PCDHA10: variants seen among roughly 807,000 people sequenced by gnomAD.
PCDHA10 encodes protocadherin alpha-10.
Under a neutral mutation model 61.2 loss-of-function variants are expected in PCDHA10, and 45 were observed. The ratio of observed to expected loss-of-function variants is 0.74; its 90% CI spans 0.58 to 0.94. PCDHA10 has a LOEUF of 0.94. PCDHA10 is among the 40% of genes least tolerant of loss of function. The probability of loss-of-function intolerance (pLI) is 0.00; values close to 1 mark genes in which losing one functional copy is unlikely to be tolerated. For synonymous variants in PCDHA10, 602 were observed against 548.8 expected (o/e 1.10, Z -1.35); for missense variants, 1,278 against 1,236.2 (o/e 1.03, Z -0.51).
At chr5:140,926,557 C>G (rs2083347198) in intron 1 of PCDHA10, 1 of 241,254 alleles carries the variant, frequency 4.1e-6, no homozygotes. Context: ...GACCCCAGCC[C>G]GCTGCTACTG....
intron 1 of PCDHA10, among the ~76,000 whole-genome samples, chr5:140,901,055 A>G (rs1454535703): frequency 6.6e-6 from 1 of 152,088 alleles, no homozygotes; most frequent in African/African-American, 2.4e-5. Context: ...AAATTAGATT[A>G]TTAGATTTTT....
chr5:140,926,915 T>A, intron 1 of PCDHA10: 1 of 1,563,726 alleles, frequency 6.4e-7, no homozygotes, highest in Non-Finnish European at 8.7e-7. Flanking sequence ...GGGGTGGCAG[T>A]TTTATGTTTG....
At position 140,910,974 on chromosome 5, in the gene PCDHA10, T is replaced by G. The variant is rs114099897; in HGVS notation, c.2388+52538T>G. Among the ~76,000 whole-genome samples the G allele has an allele frequency of 8.0e-3, 1,211 of 152,160 alleles. 6 individuals carry two copies. The highest frequency in any genetic ancestry group is 0.019 in the African/African-American group (781 of 41,520). On this transcript the variant is annotated intron_variant, in intron 1 of 3. Coordinates refer to ENST00000307360, the MANE Select transcript of PCDHA10 (RefSeq NM_018901.4). ...CGAGTGTAGCACACCTCCTCATGGG[T>G]TATACTCTGAACCTCACCCCTAGGG...
Position 140,857,721 on chromosome 5 carries a change from AC to A in PCDHA10, c.1674del (p.Asn558LysfsTer93), listed in dbSNP as rs1554150568. ...LTLQVFVLDE[N>X]DNAPALLASP... ...CTGCAGGTGTTCGTGCTGGACGAGA[AC>A]GACAACGCTCCCGCGCTGCTGGCGT... On this transcript the variant is annotated frameshift_variant, in exon 1 of 4. Transcript: ENST00000307360. LOFTEE classifies it high-confidence loss of function. 4.4e-6 allele frequency: 7 copies of A among 1,597,360 alleles called. 1 individual carries two copies. In the Admixed American group the frequency reaches 1.0e-4, roughly 23 times the overall value.
At position 140,941,191 on chromosome 5, in the gene PCDHA10, TTTTCTTTCTTCC is replaced by T. The variant is rs1293685535; in HGVS notation, c.2389-37735_2389-37724del. 2.6e-3 allele frequency among the ~76,000 whole-genome samples: 239 copies of T among 93,120 alleles called. 3 individuals are homozygous for T. Among genetic ancestry groups the T allele is most frequent in the East Asian group, 5.8e-3 (18 of 3,094 alleles). The allele number at this position is 93,120 out of a possible 152,430, so 61.1% of individuals were successfully genotyped here. ...CATCTTGAACATCCTGCTTCTTTTT[TTTTCTTTCTTCC>T]TTTCTTTCTTCCTTTCTTTCTTTCT... is the stretch of plus-strand genomic sequence containing the variant. On this transcript the variant is annotated intron_variant, in intron 1 of 3. Transcript: ENST00000307360.
At chr5:140,902,615 G>A in intron 1 of PCDHA10, among the ~76,000 whole-genome samples, 1 of 152,010 alleles carries the variant, frequency 6.6e-6, no homozygotes, top group East Asian at 1.9e-4. Context: ...AGTTACATGG[G>A]TAAGTTATTT....
intron 3 of PCDHA10, among the ~76,000 whole-genome samples, chr5:140,989,275 G>A (rs2097335515): frequency 6.6e-6 from 1 of 152,096 alleles, no homozygotes; most frequent in African/African-American, 2.4e-5. Context: ...TTTCTGCTGG[G>A]GACATCTCAG....
At chr5:140,879,391 G>A (rs2057973329) in intron 1 of PCDHA10, among the ~76,000 whole-genome samples, 1 of 152,184 alleles carries the variant, frequency 6.6e-6, no homozygotes, top group South Asian at 2.1e-4. Flanking sequence ...TGGAGAAACA[G>A]TTTGTGTGTA....
intron 1 of PCDHA10, chr5:140,866,167 CAT>C (rs1328596564): frequency 7.9e-5 from 12 of 152,072 alleles, no homozygotes; most frequent in African/African-American, 2.9e-4. Flanking sequence ...AATCGTTTAA[CAT>C]GTAAGAAAAG....
intron 1 of PCDHA10, among the ~76,000 whole-genome samples, chr5:140,904,088 TA>T (rs1486110849): frequency 9.8e-5 from 15 of 152,340 alleles, no homozygotes; most frequent in Admixed American, 2.6e-4. Flanking sequence ...GTTACATGAA[TA>T]ACTACTTTAG....
At chr5:140,967,174 G>A (rs1554229282) in intron 1 of PCDHA10, 1 of 1,611,892 alleles carries the variant, frequency 6.2e-7, no homozygotes, top group Non-Finnish European at 8.5e-7. Flanking sequence ...CCGTTGAGGT[G>A]GAAATATTGG....
chr5:140,889,968 T>A (rs1373057542), intron 1 of PCDHA10, among the ~76,000 whole-genome samples: 2 of 152,170 alleles, frequency 1.3e-5, no homozygotes, highest in Non-Finnish European at 2.9e-5. Context: ...AAAATTACTA[T>A]CCAGTCTCCA....
chr5:140,856,750 C>T lies in PCDHA10; in HGVS notation c.702C>T (p.Ala234=), dbSNP rs1554149043. Reference sequence around the variant, plus strand: ...CTCTGCTGATCCTGGTGTTAGATGCCAATGATAACGCCCCTATCTTTGACA... The same window carrying T: ...CTCTGCTGATCCTGGTGTTAGATGCTAATGATAACGCCCCTATCTTTGACA... ...SVSLLILVLD[A]NDNAPIFDRP... Residue 234 remains alanine (A), a synonymous_variant, in exon 1 of 4, where the codon GCC becomes GCT. Coordinates refer to ENST00000307360, the MANE Select transcript of PCDHA10 (RefSeq NM_018901.4). 2 of 1,596,152 alleles carry T rather than the reference C, an allele frequency of 1.3e-6. No individual in the cohort carries two copies. Among genetic ancestry groups the T allele is most frequent in the Non-Finnish European group, 1.7e-6 (2 of 1,166,292 alleles).
chr5:140,856,964 G>A lies in PCDHA10; in HGVS notation c.916G>A (p.Ala306Thr). 6.3e-7 allele frequency: 1 copy of A among 1,590,750 alleles called. No homozygotes were observed. The highest frequency in any genetic ancestry group is 8.6e-7 in the Non-Finnish European group (1 of 1,160,944). Residue 306 changes from alanine (A) to threonine (T), a missense_variant, in exon 1 of 4, where the codon GCT becomes ACT. Transcript: ENST00000307360. ...ERTGEIKVND[A>T]IDFEDSNTYE... Reference sequence around the variant, plus strand: ...GACGGGAGAAATAAAAGTAAATGATGCTATTGACTTTGAGGACAGTAACAC... The same window carrying A: ...GACGGGAGAAATAAAAGTAAATGATACTATTGACTTTGAGGACAGTAACAC...
chr5:141,002,049 A>G (rs1288460436), intron 3 of PCDHA10, among the ~76,000 whole-genome samples: 1 of 152,228 alleles, frequency 6.6e-6, no homozygotes, highest in Non-Finnish European at 1.5e-5. Flanking sequence ...CTGGGCATCC[A>G]GAGGCAGCAG....
At chr5:140,915,626 G>GTCTCTCTCTCTCTC (rs57920489) in intron 1 of PCDHA10, among the ~76,000 whole-genome samples, 21 of 146,534 alleles carry the variant, frequency 1.4e-4, no homozygotes, top group African/African-American at 5.0e-4. Context: ...GTCTCTTTCT[G>GTCTCTCTCTCTCTC]TCTCTCTCTC....
intron 3 of PCDHA10, among the ~76,000 whole-genome samples, chr5:141,002,788 A>G (rs1013908430): frequency 6.6e-6 from 1 of 152,192 alleles, no homozygotes; most frequent in Admixed American, 6.5e-5. Context: ...TCTCCATTTT[A>G]TGGATGAGGA....
intron 3 of PCDHA10, among the ~76,000 whole-genome samples, chr5:140,988,428 G>A (rs1186229744): frequency 6.6e-6 from 1 of 152,160 alleles, no homozygotes; most frequent in Non-Finnish European, 1.5e-5. Context: ...GAATTTGTTT[G>A]TTTTGGATTG....
chr5:140,859,471 T>TAG, intron 1 of PCDHA10: 1 of 211,266 alleles, frequency 4.7e-6, no homozygotes, highest in Non-Finnish European at 9.2e-6. Context: ...ACACTATCAA[T>TAG]TGTGTTTTCC....
Sources: allele counts gnomAD v4.1 joint callset (sites outside exome capture counted in the v4.1 genomes callset), GRCh38; gene constraint gnomAD v4.1.1; transcripts MANE v1.5; gene names NCBI Gene and HGNC (gene_info 2026-07-23, HGNC 2026-07-21).